The following NBPF12 variants were observed in gnomAD, a reference collection of about 807,000 sequenced individuals.
NBPF12 encodes NBPF member 12.
In NBPF12, 115 loss-of-function variants were observed where a neutral mutation model predicts 146.4. The observed-to-expected ratio is 0.79, with a 90% CI of 0.68 to 0.92. The LOEUF is 0.92. Among genes scored for constraint, NBPF12 ranks in the 40% least tolerant of loss-of-function variants. The pLI is 0.00. For synonymous variants in NBPF12, 385 were observed against 508.9 expected (o/e 0.76, Z 3.28); for missense variants, 1,205 against 1,326.8 (o/e 0.91, Z 1.43).
chr1:146,969,303 T>G, intron 10 of NBPF12, 79 bp from the exon 14 acceptor site: 1 of 692,848 alleles, frequency 1.4e-6, no homozygotes, highest in Admixed American at 2.4e-5. Context: ...GGACATTGTC[T>G]CAGAAATCTC....
At chr1:146,977,144 CAG>C (rs1469876801) in intron 17 of NBPF12, 143 bp downstream of exon 20, 48 of 912,416 alleles carry the variant, frequency 5.3e-5, no homozygotes, top group Non-Finnish European at 8.4e-5. Context: ...AGCTTAGACA[CAG>C]GGTGCGGCAG....
rs1297316951 is a variant in NBPF12, at chr1:146,957,991, A to G, written c.-183-1868A>G. Among the ~76,000 whole-genome samples, 2 of 123,196 alleles carry G rather than the reference A, an allele frequency of 1.6e-5. 1 individual carries two copies. Among genetic ancestry groups the G allele is most frequent in the Non-Finnish European group, 3.5e-5 (2 of 57,540 alleles). 80.8% of individuals were successfully genotyped at this position (123,196 alleles called of 152,430 possible). ...TATACATGTATATATGTGTGTGTATATATATATATACATGTGTATATATAA... is the reference window on the plus strand; with the variant it reads ...TATACATGTATATATGTGTGTGTATGTATATATATACATGTGTATATATAA... On this transcript the variant is annotated intron_variant, in intron 2 of 33. Coordinates refer to ENST00000617844, the Ensembl canonical transcript of NBPF12.
At chr1:146,972,086 TAAAA>T (rs1187228872) in intron 13 of NBPF12, among the ~76,000 whole-genome samples, 2 of 120,978 alleles carry the variant, frequency 1.7e-5, no homozygotes, top group Admixed American at 8.5e-5. Flanking sequence ...AGACTCCATC[TAAAA>T]AAAAAAAAAA....
At chr1:146,938,585 G>A (rs1654637872), upstream of NBPF12, among the ~76,000 whole-genome samples, 2 of 152,008 alleles carry the variant, frequency 1.3e-5, no homozygotes, top group African/African-American at 4.8e-5. Context: ...CCCGTTGTGC[G>A]GTAGAGGCAG....
chr1:146,951,055 T>C (rs1655303539), intron 1 of NBPF12, among the ~76,000 whole-genome samples: 1 of 152,074 alleles, frequency 6.6e-6, no homozygotes, highest in South Asian at 2.1e-4. Context: ...AAGCTTTTGC[T>C]ACTTCCAAAG....
intron 14 of NBPF12, among the ~76,000 whole-genome samples, chr1:146,973,187 C>T (rs1342360849): frequency 1.7e-5 from 2 of 119,926 alleles, no homozygotes; most frequent in African/African-American, 6.5e-5. Context: ...AATTAAACTG[C>T]CATTTATTGA....
chr1:146,968,059 C>A (rs1656319318), intron 9 of NBPF12, among the ~76,000 whole-genome samples: 1 of 149,468 alleles, frequency 6.7e-6, no homozygotes, highest in Admixed American at 6.7e-5. Context: ...TCCCATAGTC[C>A]TAGGGGCCTT....
rs1381368561 is a variant in NBPF12 at position 146,972,630 on chromosome 1, C to G, written c.1592-121C>G. ...AGACTGGAGATGACAAGGGTGAAAC[C>G]AGGGAAACAACATCTTCAAATAAGT... On this transcript the variant is annotated intron_variant, in intron 13 of 33. Transcript: ENST00000617844. 8.6e-6 allele frequency: 8 copies of G among 930,934 alleles called. 1 individual carries two copies. The highest frequency in any genetic ancestry group is 3.5e-5 in the Admixed American group (2 of 56,870). The allele number at this position is 930,934 out of a possible 1,614,324, so 57.7% of individuals were successfully genotyped here. A position where few individuals can be genotyped will look rare whatever the true frequency, so the allele number is the denominator to read the frequency against.
intron 12 of NBPF12, 90 bp downstream of exon 15, chr1:146,970,809 A>G (rs1413242085): frequency 8.8e-7 from 1 of 1,136,342 alleles, no homozygotes; most frequent in Non-Finnish European, 1.3e-6. Context: ...TGATGGGCCA[A>G]AAGCCCGCAT....
exon 7 of NBPF12, chr1:146,964,399 A>T: frequency 6.3e-7 from 1 of 1,592,434 alleles, no homozygotes; most frequent in Non-Finnish European, 8.6e-7. Context: ...GTTGAGGAGG[A>T]TGAGAAAGTA....
At chr1:146,973,066 C>T in intron 14 of NBPF12, 106 bp downstream of exon 17, 1 of 671,678 alleles carries the variant, frequency 1.5e-6, no homozygotes, top group Non-Finnish European at 2.7e-6. Flanking sequence ...CCTCCCCATA[C>T]TTCTAGGAAA....
exon 34 of NBPF12, chr1:146,994,804 G>A (rs1658442414): frequency 3.7e-6 from 3 of 808,248 alleles, no homozygotes; most frequent in African/African-American, 3.5e-5. Flanking sequence ...CACATGCCGG[G>A]AGTGATCAGC....
At chr1:146,939,311 A>C (rs1386026978) in intron 1 of NBPF12, among the ~76,000 whole-genome samples, 1 of 151,984 alleles carries the variant, frequency 6.6e-6, no homozygotes, top group African/African-American at 2.4e-5. Context: ...CTGACTTCGC[A>C]CCCCACCCTC....
chr1:146,945,002 C>T (rs1332922469), upstream of NBPF12, among the ~76,000 whole-genome samples: 495 of 29,800 alleles, frequency 0.017, 10 homozygotes, highest in Admixed American at 0.035. Flanking sequence ...CTCCCTCCCT[C>T]CCTTCCTTCC....
intron 5 of NBPF12, among the ~76,000 whole-genome samples, 169 bp from the exon 9 acceptor site, chr1:146,962,926 T>C (rs1655954277): frequency 6.6e-6 from 1 of 151,404 alleles, no homozygotes; most frequent in South Asian, 2.1e-4. Context: ...GGAAAGCCTG[T>C]AGACCATTTT....
chr1:146,963,275 A>C, exon 6 of NBPF12: 1 of 1,611,982 alleles, frequency 6.2e-7, no homozygotes, highest in South Asian at 1.1e-5. Context: ...AGGGGTGTAG[A>C]CTGGCACAGC....
chr1:146,947,256 T>TA (rs1358164263), upstream of NBPF12, among the ~76,000 whole-genome samples: 2 of 151,906 alleles, frequency 1.3e-5, no homozygotes, highest in Non-Finnish European at 2.9e-5. Flanking sequence ...CAGCTTCTAG[T>TA]AATCTGTCAA....
At chr1:146,961,069 C>G (rs1312151892) in intron 4 of NBPF12, among the ~76,000 whole-genome samples, 1,938 of 152,036 alleles carry the variant, frequency 0.013, 55 homozygotes, top group African/African-American at 0.045. Context: ...GCCTTTGAAC[C>G]CAGCAGGCAG....
intron 31 of NBPF12, among the ~76,000 whole-genome samples, chr1:146,992,460 C>G (rs1279508568): frequency 1.5e-3 from 133 of 88,696 alleles, no homozygotes; most frequent in Admixed American, 1.8e-3. Context: ...CTCTCTCTCT[C>G]TCTGTGTGTG....
Sources: allele counts gnomAD v4.1 joint callset (sites outside exome capture counted in the v4.1 genomes callset), GRCh38; gene constraint gnomAD v4.1.1; transcripts MANE v1.5; gene names NCBI Gene and HGNC (gene_info 2026-07-23, HGNC 2026-07-21).